Variants in CALN1 observed in about 807,000 individuals in gnomAD.
The protein encoded by CALN1 is calcium-binding protein 8.
Under a neutral mutation model 30.6 loss-of-function variants are expected in CALN1, and 17 were observed. The ratio of observed to expected loss-of-function variants is 0.56; its 90% CI spans 0.38 to 0.83. The LOEUF (loss-of-function observed/expected upper bound fraction) is 0.83. Among genes scored for constraint, CALN1 ranks in the 40% least tolerant of loss-of-function variants. The probability of loss-of-function intolerance (pLI) is 0.00; values close to 1 mark genes in which losing one functional copy is unlikely to be tolerated. For missense variants in CALN1, 291 were observed against 354.9 expected (o/e 0.82, Z 1.45); for synonymous variants, 156 against 131.4 (o/e 1.19, Z -1.28).
At chr7:72,153,935 T>C (rs551560934) in intron 3 of CALN1, among the ~76,000 whole-genome samples, 1 of 152,258 alleles carries the variant, frequency 6.6e-6, no homozygotes, top group African/African-American at 2.4e-5. Flanking sequence ...ACTTTCATTT[T>C]TCCAAGGCAG....
chr7:72,404,419 A>G (rs1806560454), intron 1 of CALN1, among the ~76,000 whole-genome samples: 1 of 152,184 alleles, frequency 6.6e-6, no homozygotes, highest in Non-Finnish European at 1.5e-5. Context: ...AAAACAAACA[A>G]TAATAAAGAC....
chr7:72,303,808 A>G (rs1799460538), intron 2 of CALN1, among the ~76,000 whole-genome samples: 1 of 151,990 alleles, frequency 6.6e-6, no homozygotes, highest in South Asian at 2.1e-4. Flanking sequence ...CCAGGAGATC[A>G]AGGCTTAGTG....
At chr7:72,384,484 C>A (rs1299174089) in intron 2 of CALN1, among the ~76,000 whole-genome samples, 1 of 151,824 alleles carries the variant, frequency 6.6e-6, no homozygotes, top group Non-Finnish European at 1.5e-5. Flanking sequence ...AAAATTAATT[C>A]AAAATGGGGC....
At chr7:71,905,926 G>A (rs1031629012) in intron 5 of CALN1, among the ~76,000 whole-genome samples, 21 of 152,098 alleles carry the variant, frequency 1.4e-4, no homozygotes, top group African/African-American at 5.1e-4. Flanking sequence ...AGGTGAAGAA[G>A]CAAGCACCTT....
rs73704303 is a variant in CALN1, at chr7:72,178,874, A to G, written c.245-72580T>C. 4.0e-3 allele frequency among the ~76,000 whole-genome samples: 604 copies of G among 152,298 alleles called. 6 individuals are homozygous for G. Among genetic ancestry groups the G allele is most frequent in the African/African-American group, 0.014 (577 of 41,564 alleles). On this transcript the variant is annotated intron_variant, in intron 3 of 6. Coordinates refer to ENST00000395275, the MANE Select transcript of CALN1 (RefSeq NM_031468.4). ...TTGAAATGCTTTGTTCTTGTATTTTATATCAAGTTTATTTGATAAAGTCTG... is the reference window on the plus strand; with the variant it reads ...TTGAAATGCTTTGTTCTTGTATTTTGTATCAAGTTTATTTGATAAAGTCTG...
intron 6 of CALN1, among the ~76,000 whole-genome samples, chr7:71,804,027 C>T (rs1175280808): frequency 1.3e-5 from 2 of 151,890 alleles, no homozygotes; most frequent in Non-Finnish European, 1.5e-5. Flanking sequence ...ATAACAAAAT[C>T]AAACCAAAAA....
At chr7:72,333,625 T>A (rs1445216827) in intron 2 of CALN1, among the ~76,000 whole-genome samples, 2 of 149,540 alleles carry the variant, frequency 1.3e-5, no homozygotes, top group South Asian at 2.1e-4. Flanking sequence ...TTTCAGACAC[T>A]CTGACTACAC....
rs78662113 is a variant in CALN1, at chr7:72,013,704, A to T, written c.501+9953T>A. On this transcript the variant is annotated intron_variant, in intron 5 of 6. Transcript: ENST00000395275. The stretch of plus-strand genomic sequence containing the variant: ...CATTTTTTTCTATGACTATAAATGG[A>T]TGCATAATAGATTAATATAATGGGC... Among the ~76,000 whole-genome samples, 18 of 152,276 alleles carry T rather than the reference A, an allele frequency of 1.2e-4. 1 individual carries two copies. The East Asian group carries it at 3.3e-3, about 28-fold the overall frequency.
At chr7:72,153,618 G>A (rs990866875) in intron 3 of CALN1, among the ~76,000 whole-genome samples, 4 of 152,090 alleles carry the variant, frequency 2.6e-5, no homozygotes, top group African/African-American at 4.8e-5. Context: ...GGAGTTCAAG[G>A]CTGCAGTGAG....
At chr7:72,220,506 T>C (rs1793206277) in intron 3 of CALN1, among the ~76,000 whole-genome samples, 1 of 151,982 alleles carries the variant, frequency 6.6e-6, no homozygotes, top group African/African-American at 2.4e-5. Flanking sequence ...TAAACATACG[T>C]GTGCATGTGT....
chr7:71,885,121 G>C (rs1792820968), intron 5 of CALN1, among the ~76,000 whole-genome samples: 1 of 152,146 alleles, frequency 6.6e-6, no homozygotes, highest in East Asian at 1.9e-4. Context: ...GCTTTGAGTT[G>C]TCCTGCCTTT....
chr7:72,501,297 C>T, the CALN1 span, among the ~76,000 whole-genome samples: 2 of 135,220 alleles, frequency 1.5e-5, no homozygotes, highest in Admixed American at 8.4e-5. Context: ...CTTTGGGAGG[C>T]CAAGGTGGAA....
chr7:72,036,788 C>G (rs1335047064), intron 4 of CALN1, among the ~76,000 whole-genome samples: 1 of 151,772 alleles, frequency 6.6e-6, no homozygotes, highest in Non-Finnish European at 1.5e-5. Context: ...AGGTCTTTTT[C>G]AGGAACAGCT....
At chr7:72,314,085 A>C (rs1434628953) in intron 2 of CALN1, among the ~76,000 whole-genome samples, 3 of 152,116 alleles carry the variant, frequency 2.0e-5, no homozygotes, top group African/African-American at 7.2e-5. Flanking sequence ...GAATAAGAGG[A>C]CACACCAGGC....
chr7:72,011,168 A>T (rs78620438), intron 5 of CALN1, among the ~76,000 whole-genome samples: 2,751 of 152,150 alleles, frequency 0.018, 32 homozygotes, highest in Admixed American at 0.028. Flanking sequence ...AAGAAAAAAA[A>T]CAAAAAAGAA....
At chr7:72,286,873 C>G (rs1359546017) in intron 2 of CALN1, among the ~76,000 whole-genome samples, 2 of 152,138 alleles carry the variant, frequency 1.3e-5, no homozygotes, top group Admixed American at 6.5e-5. Flanking sequence ...ATTTTACAAA[C>G]TTTAACAAGG....
At chr7:72,397,714 T>TCTCACACACACACACACACACACA (rs142607076) in intron 2 of CALN1, among the ~76,000 whole-genome samples, 15 of 142,912 alleles carry the variant, frequency 1.0e-4, no homozygotes, top group African/African-American at 2.1e-4. Context: ...CCATTCTCTC[T>TCTCACACACACACACACACACACA]CACACACACA....
chr7:72,441,568 A>C (rs1181133325), intron 1 of CALN1, among the ~76,000 whole-genome samples: 2 of 143,280 alleles, frequency 1.4e-5, no homozygotes, highest in African/African-American at 5.4e-5. Context: ...ATTGCACTCC[A>C]GCCTGAGCAA....
At position 72,351,410 on chromosome 7, in the gene CALN1, G is replaced by A. The variant is rs149443548; in HGVS notation, c.119+51841C>T. 4.5e-4 allele frequency among the ~76,000 whole-genome samples: 69 copies of A among 152,176 alleles called. No homozygotes were observed. The East Asian group carries it at 0.013, about 29-fold the overall frequency. On this transcript the variant is annotated intron_variant, in intron 2 of 6. Transcript: ENST00000395275. ...TTAGGAATGATAAGTCCTGGGAATGGAAAATATGTGAATAAAAATAAAAAG... is the reference window on the plus strand; with the variant it reads ...TTAGGAATGATAAGTCCTGGGAATGAAAAATATGTGAATAAAAATAAAAAG...
Sources: gnomAD v4.1 joint callset for allele counts (sites outside exome capture counted in the v4.1 genomes callset) on GRCh38, gnomAD v4.1.1 for gene constraint, MANE v1.5 for transcripts, NCBI Gene and HGNC (gene_info 2026-07-23, HGNC 2026-07-21) for gene names.